Variants in SLC13A3 observed in about 807,000 individuals in gnomAD.
The protein encoded by SLC13A3 is Na(+)/dicarboxylate cotransporter 3.
Under a neutral mutation model 59.0 loss-of-function variants are expected in SLC13A3, and 40 were observed. The ratio of observed to expected loss-of-function variants is 0.68; its 90% CI spans 0.53 to 0.88. SLC13A3 has a LOEUF of 0.88. Ranked by LOEUF, SLC13A3 falls within the 40% of genes least tolerant of loss-of-function variation. The probability of loss-of-function intolerance (pLI) is 0.00; values close to 1 mark genes in which losing one functional copy is unlikely to be tolerated. For missense variants in SLC13A3, 699 were observed against 783.2 expected (o/e 0.89, Z 1.28); for synonymous variants, 317 against 330.3 (o/e 0.96, Z 0.44).
At chr20:46,606,702 T>TA (rs1568933277) in intron 3 of SLC13A3, among the ~76,000 whole-genome samples, 1 of 152,120 alleles carries the variant, frequency 6.6e-6, no homozygotes, top group African/African-American at 2.4e-5. Context: ...ACCCTGTCTC[T>TA]AAAAAACAAA....
In SLC13A3 at chr20:46,613,627, G is replaced by T. The variant is rs2062524894; in HGVS notation, c.210C>A (p.Phe70Leu). 4 of 1,612,588 alleles carry T rather than the reference G, an allele frequency of 2.5e-6. No homozygotes were observed. Among genetic ancestry groups the T allele is most frequent in the Non-Finnish European group, 3.4e-6 (4 of 1,179,318 alleles). Reference sequence around the variant, plus strand: ...TGGAGGGCAAGATGCCCATGAAGGGGAAGAGGACGATGGGCAGCAGCGCCG... The same window carrying T: ...TGGAGGGCAAGATGCCCATGAAGGGTAAGAGGACGATGGGCAGCAGCGCCG... The part of the protein sequence containing the change: ...SVTALLPIVL[F>L]PFMGILPSNK... The change falls in exon 2 of 13, where the codon TTC becomes TTA. Residue 70 changes from phenylalanine (F) to leucine (L), a missense_variant. Coordinates refer to ENST00000279027, the MANE Select transcript of SLC13A3 (RefSeq NM_022829.6).
chr20:46,632,911 A>AGCTCTTTATCTACCCACCCAGATCTATC lies in SLC13A3; in HGVS notation c.111+18399_111+18400insGATAGATCTGGGTGGGTAGATAAAGAGC, dbSNP rs1253627891. On this transcript the variant is annotated intron_variant, in intron 1 of 12. Transcript: ENST00000279027. The stretch of plus-strand genomic sequence containing the variant: ...TAGATAGATAGATAGATAGATAGAT[A>AGCTCTTTATCTACCCACCCAGATCTATC]TATCTATCTATCTATCTATCTATCT... Among the ~76,000 whole-genome samples, 370 of 55,496 alleles carry AGCTCTTTATCTACCCACCCAGATCTATC rather than the reference A, an allele frequency of 6.7e-3. 11 individuals are homozygous for AGCTCTTTATCTACCCACCCAGATCTATC. The highest frequency in any genetic ancestry group is 0.011 in the African/African-American group (161 of 15,088). The allele number at this position is 55,496 out of a possible 152,430, so 36.4% of individuals were successfully genotyped here.
At chr20:46,651,282 C>T in intron 1 of SLC13A3, 29 bp downstream of exon 1, 5 of 1,460,990 alleles carry the variant, frequency 3.4e-6, no homozygotes, top group Non-Finnish European at 4.5e-6. Context: ...TGTGGTTGAC[C>T]GGGGGCGCAC....
intron 3 of SLC13A3, among the ~76,000 whole-genome samples, chr20:46,605,936 T>C (rs957964101): frequency 3.3e-5 from 5 of 152,200 alleles, no homozygotes; most frequent in Non-Finnish European, 5.9e-5. Flanking sequence ...TTAGCACTCA[T>C]GTCAGCCTAA....
chr20:46,594,789 C>T (rs1350370137), intron 5 of SLC13A3, among the ~76,000 whole-genome samples: 2 of 150,864 alleles, frequency 1.3e-5, no homozygotes, highest in East Asian at 3.9e-4. Context: ...TGGTTTCCAT[C>T]ATCAAATCTT....
chr20:46,638,515 G>A (rs530928390), intron 1 of SLC13A3, among the ~76,000 whole-genome samples: 2 of 152,232 alleles, frequency 1.3e-5, no homozygotes, highest in Non-Finnish European at 2.9e-5. Context: ...CAGAGGGGCC[G>A]TCAGCTCCGT....
chr20:46,593,539 TTTTCTC>T (rs2062280831), intron 5 of SLC13A3, among the ~76,000 whole-genome samples: 1 of 152,208 alleles, frequency 6.6e-6, no homozygotes, highest in African/African-American at 2.4e-5. Context: ...ATTTCCTCCT[TTTTCTC>T]TACCTGTATT....
chr20:46,662,465 A>G (rs1453922484), intron 1 of SLC13A3, among the ~76,000 whole-genome samples: 1 of 152,192 alleles, frequency 6.6e-6, no homozygotes. Context: ...TTGGGGGAAA[A>G]ACTCAAGTCT....
At chr20:46,573,327 C>T (rs2062046529) in intron 10 of SLC13A3, among the ~76,000 whole-genome samples, 1 of 152,120 alleles carries the variant, frequency 6.6e-6, no homozygotes, top group Admixed American at 6.5e-5. Context: ...GCTTGTGTCC[C>T]CAGACAGATG....
intron 1 of SLC13A3, among the ~76,000 whole-genome samples, chr20:46,634,012 T>C (rs939127758): frequency 1.3e-5 from 2 of 152,122 alleles, no homozygotes; most frequent in African/African-American, 4.8e-5. Flanking sequence ...CCCAGGGCCC[T>C]AGTCCTGATC....
At chr20:46,616,790 A>G (rs1453202357) in intron 1 of SLC13A3, among the ~76,000 whole-genome samples, 4 of 152,214 alleles carry the variant, frequency 2.6e-5, no homozygotes, top group Non-Finnish European at 4.4e-5. Context: ...AGTGTACCAA[A>G]GGCTTCAGAC....
chr20:46,680,240 G>A (rs958658289), intron 1 of SLC13A3, among the ~76,000 whole-genome samples: 2 of 152,204 alleles, frequency 1.3e-5, no homozygotes, highest in Non-Finnish European at 2.9e-5. Context: ...GGCAAGGTGG[G>A]AAAGTGCGTC....
chr20:46,597,808 T>C (rs576336436), intron 4 of SLC13A3, among the ~76,000 whole-genome samples: 1 of 152,360 alleles, frequency 6.6e-6, no homozygotes, highest in Admixed American at 6.5e-5. Context: ...ATAATCTACC[T>C]CTGGAAGTGA....
At chr20:46,655,805 A>T (rs928452451), upstream of SLC13A3, among the ~76,000 whole-genome samples, 2 of 143,638 alleles carry the variant, frequency 1.4e-5, no homozygotes, top group East Asian at 3.9e-4. Flanking sequence ...TATAATATAT[A>T]ATACTGTATA....
At chr20:46,573,646 T>C (rs2062048501) in intron 10 of SLC13A3, among the ~76,000 whole-genome samples, 1 of 152,196 alleles carries the variant, frequency 6.6e-6, no homozygotes, top group South Asian at 2.1e-4. Flanking sequence ...TATTGGGCAG[T>C]TATTCTTTAA....
rs566568713 is a variant in SLC13A3 at position 46,623,610 on chromosome 20, C to T, written c.112-9885G>A. Among the ~76,000 whole-genome samples, 10 of 152,310 alleles carry T rather than the reference C, an allele frequency of 6.6e-5. No individual in the cohort carries two copies. The South Asian group carries it at 1.9e-3, about 28-fold the overall frequency. On this transcript the variant is annotated intron_variant, in intron 1 of 12. Coordinates refer to ENST00000279027, the MANE Select transcript of SLC13A3 (RefSeq NM_022829.6). The stretch of plus-strand genomic sequence containing the variant: ...GTCTATTTAGGTCATGCATACAATG[C>T]TGTGTCCCAGGTAATTCAGTCCCAG...
At chr20:46,580,935 T>C (rs1323761414) in intron 9 of SLC13A3, among the ~76,000 whole-genome samples, 3 of 152,224 alleles carry the variant, frequency 2.0e-5, no homozygotes, top group African/African-American at 7.2e-5. Context: ...ACCCTTATCC[T>C]AGAAATTTCT....
intron 1 of SLC13A3, among the ~76,000 whole-genome samples, chr20:46,679,873 A>G (rs2063145795): frequency 6.7e-6 from 1 of 148,548 alleles, no homozygotes; most frequent in Non-Finnish European, 1.5e-5. Context: ...ACACTACTAC[A>G]CTCCAGCCTG....
rs372301012 is a variant in SLC13A3 at position 46,676,497 on chromosome 20, C to T, written c.-31+7899G>A. On this transcript the variant is annotated intron_variant, in intron 1 of 6. Transcript: ENST00000372121. ...CTCGAACTCCTGAGCTCAGGCAATC[C>T]GCCCACCTCAGCCTCCCAAATTGTT... is the stretch of plus-strand genomic sequence containing the variant. 2.1e-4 allele frequency among the ~76,000 whole-genome samples: 32 copies of T among 151,160 alleles called. No individual in the cohort carries two copies. In the East Asian group the frequency reaches 3.9e-3, roughly 19 times the overall value.
Sources: gnomAD v4.1 joint callset for allele counts (sites outside exome capture counted in the v4.1 genomes callset) on GRCh38, gnomAD v4.1.1 for gene constraint, MANE v1.5 for transcripts, NCBI Gene and HGNC (gene_info 2026-07-23, HGNC 2026-07-21) for gene names.